Variants in PRRG1 observed in about 807,000 individuals in gnomAD.
PRRG1 encodes the protein transmembrane gamma-carboxyglutamic acid protein 1.
In PRRG1, 5 loss-of-function variants were observed where a neutral mutation model predicts 11.8. The ratio of observed to expected loss-of-function variants is 0.42; its 90% CI spans 0.22 to 0.89. PRRG1 has a LOEUF of 0.89. Ranked by LOEUF, PRRG1 falls within the 40% of genes least tolerant of loss-of-function variation. PRRG1 has a pLI of 0.28. For missense variants in PRRG1, 155 were observed against 166.1 expected (o/e 0.93, Z 0.37); for synonymous variants, 66 against 60.4 (o/e 1.09, Z -0.43).
At chrX:37,365,660 T>A (rs1556369185) in intron 1 of PRRG1, among the ~76,000 whole-genome samples, 1 of 112,424 alleles carries the variant, frequency 8.9e-6, no homozygotes, top group African/African-American at 3.2e-5. Flanking sequence ...CAGAGAGCAC[T>A]GACTTGATCT....
intron 2 of PRRG1, among the ~76,000 whole-genome samples, chrX:37,412,529 A>G (rs1287066930): frequency 1.8e-5 from 2 of 111,295 alleles, no homozygotes; most frequent in Non-Finnish European, 3.8e-5. Flanking sequence ...TTTCTGGCCT[A>G]TATTAGATTT....
At chrX:37,355,667 G>T (rs1342418377) in intron 1 of PRRG1, among the ~76,000 whole-genome samples, 1 of 111,656 alleles carries the variant, frequency 9.0e-6, no homozygotes, top group Non-Finnish European at 1.9e-5. Context: ...AAAAAAGTAA[G>T]TTTAAAGATG....
At position 37,453,446 on chromosome X, in the gene PRRG1, C is replaced by T; in HGVS notation, c.482C>T (p.Thr161Ile). ...YVVGRSDSVS[T>I]RLSNCDPPPT... ...GTTGGGCGCTCAGATTCCGTCTCTACTCGCCTGTCCAATTGTGATCCCCCG... is the reference window on the plus strand; with the variant it reads ...GTTGGGCGCTCAGATTCCGTCTCTATTCGCCTGTCCAATTGTGATCCCCCG... Residue 161 changes from threonine (T) to isoleucine (I), a missense_variant, in exon 4 of 4, where the codon ACT becomes ATT. By Grantham distance (89) the Thr-to-Ile change is moderately conservative. Coordinates refer to ENST00000378628, the MANE Select transcript of PRRG1 (RefSeq NM_001142395.2). 2.8e-5 allele frequency: 34 copies of T among 1,209,791 alleles called. No homozygotes were observed. Among genetic ancestry groups the T allele is most frequent in the Non-Finnish European group, 3.7e-5 (33 of 894,814 alleles).
chrX:37,401,817 G>C (rs1183592577), intron 1 of PRRG1, among the ~76,000 whole-genome samples: 1 of 110,472 alleles, frequency 9.1e-6, no homozygotes, highest in Admixed American at 9.7e-5. Context: ...GTACAAAAAT[G>C]ACAAGCATTC....
intron 2 of PRRG1, among the ~76,000 whole-genome samples, chrX:37,410,390 GT>G (rs1422838733): frequency 2.7e-5 from 3 of 111,656 alleles, no homozygotes; most frequent in East Asian, 5.6e-4. Context: ...GTTACATCCA[GT>G]TTTTTTTCTT....
chrX:37,386,025 G>C (rs1399885069), intron 1 of PRRG1, among the ~76,000 whole-genome samples: 2 of 111,725 alleles, frequency 1.8e-5, no homozygotes, highest in Non-Finnish European at 3.8e-5. Flanking sequence ...CCTCCCCAAA[G>C]TGCTGGGATT....
At chrX:37,384,156 A>G (rs2146545482) in intron 1 of PRRG1, among the ~76,000 whole-genome samples, 1 of 111,590 alleles carries the variant, frequency 9.0e-6, no homozygotes, top group South Asian at 3.8e-4. Context: ...TAATGCAACC[A>G]CACTTACAAG....
chrX:37,405,843 G>A (rs1345644834), intron 1 of PRRG1, among the ~76,000 whole-genome samples: 1 of 111,722 alleles, frequency 9.0e-6, no homozygotes, highest in Non-Finnish European at 1.9e-5. Context: ...TAACTTGCTG[G>A]CCTGGTTATT....
intron 1 of PRRG1, among the ~76,000 whole-genome samples, chrX:37,402,217 A>G (rs1287146278): frequency 3.6e-5 from 4 of 111,431 alleles, no homozygotes; most frequent in African/African-American, 6.6e-5. Context: ...GAGGCATCAC[A>G]CTACCTGACT....
In PRRG1 at chrX:37,454,977, T is replaced by C. The variant is rs1230186124; in HGVS notation, c.*1356T>C. On this transcript the variant is annotated 3_prime_UTR_variant, in exon 4 of 4. Transcript: ENST00000378628. ...CATTAGGTCAGTTAAGGGAAATATTTGTACCACTTCCAAACTTTTCAGCGT... is the reference window on the plus strand; with the variant it reads ...CATTAGGTCAGTTAAGGGAAATATTCGTACCACTTCCAAACTTTTCAGCGT... 2 of 112,126 alleles carry C rather than the reference T, an allele frequency of 1.8e-5. No homozygotes were observed. Among genetic ancestry groups the C allele is most frequent in the African/African-American group, 6.5e-5 (2 of 30,829 alleles). The allele number at this position is 112,126 out of a possible 1,213,427, so 9.2% of individuals were successfully genotyped here. A position where few individuals can be genotyped will look rare whatever the true frequency, so the allele number is the denominator to read the frequency against.
intron 1 of PRRG1, among the ~76,000 whole-genome samples, chrX:37,374,162 T>G (rs1930861207): frequency 8.9e-6 from 1 of 112,116 alleles, no homozygotes; most frequent in Admixed American, 9.4e-5. Context: ...TGCTATTGAA[T>G]TCAGTTTGCT....
chrX:37,393,340 CATA>C (rs1170243238), intron 1 of PRRG1, among the ~76,000 whole-genome samples: 2 of 107,788 alleles, frequency 1.9e-5, no homozygotes, highest in Non-Finnish European at 3.8e-5. Flanking sequence ...ATTAATTATA[CATA>C]ATATTAATAT....
Position 37,429,157 on chromosome X carries a change from A to G in PRRG1, c.171+3157A>G, listed in dbSNP as rs984118571. 2.7e-5 allele frequency among the ~76,000 whole-genome samples: 3 copies of G among 110,408 alleles called. No homozygotes were observed. In the South Asian group the frequency reaches 1.2e-3, roughly 43 times the overall value. On this transcript the variant is annotated intron_variant, in intron 3 of 3. Transcript: ENST00000378628. ...GGGGTGGGTAGGGGCTGCCTTGAAA[A>G]CCCATGACGTGCCCTGGAGACATTT...
intron 1 of PRRG1, among the ~76,000 whole-genome samples, chrX:37,376,555 A>ATATATATATG (rs1556372330): frequency 2.9e-5 from 2 of 69,246 alleles, no homozygotes; most frequent in African/African-American, 9.3e-5. Flanking sequence ...GTGAGTGTAT[A>ATATATATATG]TATATATATA....
intron 1 of PRRG1, among the ~76,000 whole-genome samples, chrX:37,369,643 C>T (rs1957154538): frequency 8.9e-6 from 1 of 111,769 alleles, no homozygotes; most frequent in Non-Finnish European, 1.9e-5. Context: ...CCACCCAGTT[C>T]ATGATAACCA....
intron 2 of PRRG1, among the ~76,000 whole-genome samples, chrX:37,417,939 A>G (rs1747258038): frequency 8.9e-6 from 1 of 111,903 alleles, no homozygotes; most frequent in African/African-American, 3.2e-5. Flanking sequence ...TTGGCTGGAA[A>G]ATTGTGTATT....
At chrX:37,376,557 A>G (rs1271590302) in intron 1 of PRRG1, among the ~76,000 whole-genome samples, 5 of 70,860 alleles carry the variant, frequency 7.1e-5, no homozygotes, top group Non-Finnish European at 1.4e-4. Flanking sequence ...GAGTGTATAT[A>G]TATATATATA....
chrX:37,390,551 CAT>C (rs1275688662), intron 1 of PRRG1, among the ~76,000 whole-genome samples: 2 of 111,878 alleles, frequency 1.8e-5, no homozygotes, highest in Non-Finnish European at 3.8e-5. Context: ...AGATCAAAAA[CAT>C]AAAACTCATT....
chrX:37,455,912 C>T lies in PRRG1; in HGVS notation c.*2291C>T, dbSNP rs1221992830. 2.7e-5 allele frequency: 3 copies of T among 111,465 alleles called. No homozygotes were observed. Among genetic ancestry groups the T allele is most frequent in the Non-Finnish European group, 5.7e-5 (3 of 53,071 alleles). The allele number at this position is 111,465 out of a possible 1,213,427, so 9.2% of individuals were successfully genotyped here. On this transcript the variant is annotated 3_prime_UTR_variant, in exon 4 of 4. Coordinates refer to ENST00000378628, the MANE Select transcript of PRRG1 (RefSeq NM_001142395.2). ...GTTTTCAAAGTATGGCCAATGGACC[C>T]CTGGGTTCCTTGAGAGCCTTTCAGG...
Sources: allele counts gnomAD v4.1 joint callset (sites outside exome capture counted in the v4.1 genomes callset), GRCh38; gene constraint gnomAD v4.1.1; transcripts MANE v1.5; gene names NCBI Gene and HGNC (gene_info 2026-07-23, HGNC 2026-07-21).